Variants in ADARB2 observed in about 807,000 individuals in gnomAD.
The protein encoded by ADARB2 is adenosine deaminase RNA specific B2 (inactive).
In ADARB2, 25 loss-of-function variants were observed where a neutral mutation model predicts 62.2. The observed-to-expected ratio is 0.40, with a 90% CI of 0.29 to 0.56. ADARB2 has a LOEUF of 0.56. Among genes scored for constraint, ADARB2 ranks in the 20% least tolerant of loss-of-function variants. The pLI, the probability that ADARB2 is intolerant of heterozygous loss-of-function variation, is 0.43. For synonymous variants in ADARB2, 572 were observed against 500.8 expected, an observed-to-expected ratio of 1.14 and a Z score of -1.90; for missense variants, 1,071 against 1,077.4, an observed-to-expected ratio of 0.99 and a Z score of 0.08.
At chr10:1,465,669 C>T (rs149968871) in intron 1 of ADARB2, among the ~76,000 whole-genome samples, 7 of 152,328 alleles carry the variant, frequency 4.6e-5, no homozygotes, top group Non-Finnish European at 1.0e-4. Context: ...AAAAACGCAA[C>T]TTGGGTGGAG....
In ADARB2 at chr10:1,363,936, C is replaced by T; in HGVS notation, c.188-19G>A. ...CTGGTACCTGGAGGGGAGAACAGAC[C>T]AGTCAGGAGCCTGGGCGGGCGCCGG... On this transcript the variant is annotated intron_variant, in intron 2 of 9. Coordinates refer to ENST00000381312, the MANE Select transcript of ADARB2 (RefSeq NM_018702.4). 1.4e-6 allele frequency: 2 copies of T among 1,431,698 alleles called. No homozygotes were observed. The highest frequency in any genetic ancestry group is 1.8e-6 in the Non-Finnish European group (2 of 1,102,216). 88.7% of individuals were successfully genotyped at this position (1,431,698 alleles called of 1,614,324 possible).
At chr10:1,470,332 C>G (rs1303410989) in intron 1 of ADARB2, among the ~76,000 whole-genome samples, 5 of 152,228 alleles carry the variant, frequency 3.3e-5, no homozygotes, top group Admixed American at 2.0e-4. Context: ...CTGCAGTACA[C>G]ACGTCTTTCC....
At chr10:1,437,233 C>T (rs4880852) in intron 1 of ADARB2, among the ~76,000 whole-genome samples, 42,835 of 100,696 alleles carry the variant, frequency 0.43, 6,536 homozygotes, top group East Asian at 0.59. Flanking sequence ...TATATATATA[C>T]ACACACACAC....
intron 3 of ADARB2, among the ~76,000 whole-genome samples, chr10:1,273,639 G>A (rs529735539): frequency 2.0e-5 from 3 of 152,328 alleles, no homozygotes; most frequent in African/African-American, 7.2e-5. Context: ...TCTGAGCTGG[G>A]GTGGAGAAGA....
chr10:1,556,853 C>G (rs954552019), intron 1 of ADARB2: 1 of 533,100 alleles, frequency 1.9e-6, no homozygotes, highest in South Asian at 1.4e-5. Flanking sequence ...TCTGCACAAC[C>G]CCTCCTCATG....
rs538305536 is a variant in ADARB2, at chr10:1,583,189, A to G, written c.100+153862T>C. On this transcript the variant is annotated intron_variant, in intron 1 of 9. Coordinates refer to ENST00000381312, the MANE Select transcript of ADARB2 (RefSeq NM_018702.4). Reference sequence around the variant, plus strand: ...GCCTCCACAGAGGTCACATTTCAATATGCAGTGTTCAAAATTTCACCTTCC... The same window carrying G: ...GCCTCCACAGAGGTCACATTTCAATGTGCAGTGTTCAAAATTTCACCTTCC... 9.9e-5 allele frequency among the ~76,000 whole-genome samples: 6 copies of G among 60,790 alleles called. No homozygotes were observed. In the East Asian group the frequency reaches 2.6e-3, roughly 26 times the overall value. The allele number at this position is 60,790 out of a possible 152,430, so 39.9% of individuals were successfully genotyped here. A position where few individuals can be genotyped will look rare whatever the true frequency, so the allele number is the denominator to read the frequency against.
chr10:1,643,019 T>C (rs1434131068), intron 1 of ADARB2, among the ~76,000 whole-genome samples: 1 of 152,190 alleles, frequency 6.6e-6, no homozygotes, highest in Non-Finnish European at 1.5e-5. Context: ...GGCCTGGGTG[T>C]TTATTCAGGT....
chr10:1,441,204 C>A (rs77018859), intron 1 of ADARB2, among the ~76,000 whole-genome samples: 3,062 of 152,172 alleles, frequency 0.02, 83 homozygotes, highest in African/African-American at 0.061. Flanking sequence ...AGAAGAATAT[C>A]CTAGATTCCT....
intron 1 of ADARB2, among the ~76,000 whole-genome samples, chr10:1,558,526 C>T (rs1468698879): frequency 7.8e-6 from 1 of 128,390 alleles, no homozygotes; most frequent in East Asian, 2.1e-4. Flanking sequence ...CCTCTGTCCC[C>T]TTCTGTGGGT....
intron 1 of ADARB2, among the ~76,000 whole-genome samples, chr10:1,619,032 G>A (rs1359515444): frequency 6.6e-6 from 1 of 152,208 alleles, no homozygotes; most frequent in Non-Finnish European, 1.5e-5. Flanking sequence ...AATGAATGGT[G>A]TAAAATAATC....
chr10:1,493,086 G>A (rs1185797837), intron 1 of ADARB2, among the ~76,000 whole-genome samples: 3 of 152,194 alleles, frequency 2.0e-5, no homozygotes, highest in African/African-American at 4.8e-5. Flanking sequence ...TTGTAAAAAT[G>A]CTTCATCAGA....
intron 4 of ADARB2, among the ~76,000 whole-genome samples, chr10:1,248,332 G>A (rs1050330404): frequency 4.0e-5 from 6 of 151,246 alleles, no homozygotes; most frequent in African/African-American, 1.5e-4. Flanking sequence ...AGGCAAGGGC[G>A]TGCAACGTGT....
At chr10:1,642,394 C>T (rs1023167416) in intron 1 of ADARB2, among the ~76,000 whole-genome samples, 5 of 152,170 alleles carry the variant, frequency 3.3e-5, no homozygotes, top group Admixed American at 1.3e-4. Context: ...CCCTATCTTC[C>T]TGGGATGAGT....
intron 1 of ADARB2, among the ~76,000 whole-genome samples, chr10:1,528,591 G>T (rs1832179613): frequency 6.6e-6 from 1 of 152,232 alleles, no homozygotes; most frequent in Admixed American, 6.5e-5. Flanking sequence ...AGCGCCCGGT[G>T]TGAGCCCTCT....
At chr10:1,712,783 G>A (rs1279059595) in intron 1 of ADARB2, among the ~76,000 whole-genome samples, 2 of 148,186 alleles carry the variant, frequency 1.3e-5, no homozygotes, top group African/African-American at 5.0e-5. Flanking sequence ...TAATTTTTTT[G>A]TATTTTTAGT....
chr10:1,259,903 A>G (rs554221433), intron 4 of ADARB2, among the ~76,000 whole-genome samples: 91 of 152,366 alleles, frequency 6.0e-4, no homozygotes, highest in African/African-American at 1.9e-3. Flanking sequence ...AATCCTCAAT[A>G]AAATATGGGC....
chr10:1,687,763 C>A (rs577780944), intron 1 of ADARB2, among the ~76,000 whole-genome samples: 2 of 152,020 alleles, frequency 1.3e-5, no homozygotes, highest in Non-Finnish European at 2.9e-5. Context: ...GATTCAGGGC[C>A]GGGCAGGAGG....
At position 1,364,064 on chromosome 10, in the gene ADARB2, G is replaced by A. The variant is rs1395284607; in HGVS notation, c.188-147C>T. 4.2e-6 allele frequency: 5 copies of A among 1,192,250 alleles called. No homozygotes were observed. The East Asian group carries it at 1.5e-4, about 36-fold the overall frequency. 73.9% of individuals were successfully genotyped at this position (1,192,250 alleles called of 1,614,324 possible). ...CTGAGAAATGACTGTGGCCGCCAGA[G>A]AGAGGGAGCCCCTGGGAGCCTATGG... On this transcript the variant is annotated intron_variant, in intron 2 of 9. Transcript: ENST00000381312.
At chr10:1,503,841 T>C (rs568881221) in intron 1 of ADARB2, among the ~76,000 whole-genome samples, 122 of 152,228 alleles carry the variant, frequency 8.0e-4, no homozygotes, top group African/African-American at 2.8e-3. Flanking sequence ...ATGCCTGCCC[T>C]GTCTTCACCT....
Sources: allele counts gnomAD v4.1 joint callset (sites outside exome capture counted in the v4.1 genomes callset), GRCh38; gene constraint gnomAD v4.1.1; transcripts MANE v1.5; gene names NCBI Gene and HGNC (gene_info 2026-07-23, HGNC 2026-07-21).